ADGRL3: variants seen among roughly 807,000 people sequenced by gnomAD.
ADGRL3 encodes adhesion G protein-coupled receptor L3.
In ADGRL3, 62 loss-of-function variants were observed where a neutral mutation model predicts 153.5. That is an observed-to-expected ratio of 0.40 (90% confidence interval 0.33 to 0.50). ADGRL3 has a LOEUF of 0.50. Ranked by LOEUF, ADGRL3 falls within the 20% of genes least tolerant of loss-of-function variation. The pLI, the probability that ADGRL3 is intolerant of heterozygous loss-of-function variation, is 0.47. For synonymous variants in ADGRL3, 710 were observed against 672.5 expected, an observed-to-expected ratio of 1.06 and a Z score of -0.86; for missense variants, 1,641 against 1,859.4, an observed-to-expected ratio of 0.88 and a Z score of 2.16.
chr4:61,516,373 AC>A (rs200220725), intron 3 of ADGRL3, among the ~76,000 whole-genome samples: 1 of 62,392 alleles, frequency 1.6e-5, no homozygotes. Flanking sequence ...GTTAAAAAAT[AC>A]TTGTGTGAAG....
At chr4:62,023,686 C>A (rs946634502) in intron 21 of ADGRL3, among the ~76,000 whole-genome samples, 1 of 152,158 alleles carries the variant, frequency 6.6e-6, no homozygotes, top group African/African-American at 2.4e-5. Flanking sequence ...TTAGAACTCG[C>A]TGAAGCCTCA....
At chr4:62,021,266 TACAC>T (rs1399782819) in intron 21 of ADGRL3, among the ~76,000 whole-genome samples, 2 of 152,150 alleles carry the variant, frequency 1.3e-5, no homozygotes, top group Non-Finnish European at 2.9e-5. Context: ...TTTTACTTGA[TACAC>T]ACAATGGTCC....
intron 8 of ADGRL3, among the ~76,000 whole-genome samples, chr4:61,772,784 T>C (rs1043251958): frequency 2.6e-5 from 4 of 152,228 alleles, no homozygotes; most frequent in Non-Finnish European, 5.9e-5. Flanking sequence ...GATACCCTCC[T>C]GCATTTGCCA....
chr4:61,496,831 C>T (rs1339134651), intron 2 of ADGRL3, among the ~76,000 whole-genome samples: 1 of 150,958 alleles, frequency 6.6e-6, no homozygotes, highest in Admixed American at 6.6e-5. Context: ...GTCCCAGCTA[C>T]TCAGGAGGCT....
At chr4:61,671,171 G>A (rs539730331) in intron 5 of ADGRL3, among the ~76,000 whole-genome samples, 1 of 152,294 alleles carries the variant, frequency 6.6e-6, no homozygotes, top group Non-Finnish European at 1.5e-5. Flanking sequence ...CAATATGCAT[G>A]TAAATCCAGC....
intron 2 of ADGRL3, among the ~76,000 whole-genome samples, chr4:61,460,342 T>C (rs1374533427): frequency 6.6e-6 from 1 of 152,130 alleles, no homozygotes; most frequent in Non-Finnish European, 1.5e-5. Flanking sequence ...CCCCAACGTA[T>C]ATACAGTGGA....
chr4:61,450,907 A>G (rs1168685037), intron 2 of ADGRL3, among the ~76,000 whole-genome samples: 1 of 152,118 alleles, frequency 6.6e-6, no homozygotes, highest in African/African-American at 2.4e-5. Flanking sequence ...GAGTGAATAT[A>G]AAAAAGATTT....
At chr4:61,759,112 A>C (rs1197342979) in intron 8 of ADGRL3, among the ~76,000 whole-genome samples, 1 of 151,744 alleles carries the variant, frequency 6.6e-6, no homozygotes, top group Non-Finnish European at 1.5e-5. Context: ...TGCCCTTAAC[A>C]TTTTTTCCTT....
chr4:61,437,794 C>T (rs534127112), intron 2 of ADGRL3, among the ~76,000 whole-genome samples: 2 of 152,240 alleles, frequency 1.3e-5, no homozygotes, highest in Non-Finnish European at 2.9e-5. Context: ...AAGCTTGCTC[C>T]ATACTTAACT....
chr4:61,539,691 C>G (rs1226023248), intron 4 of ADGRL3, among the ~76,000 whole-genome samples: 1 of 152,114 alleles, frequency 6.6e-6, no homozygotes, highest in African/African-American at 2.4e-5. Flanking sequence ...GGTGCTCTGT[C>G]TCTGGGAAGT....
intron 9 of ADGRL3, among the ~76,000 whole-genome samples, chr4:61,872,735 C>A (rs1321623637): frequency 6.6e-6 from 1 of 151,642 alleles, no homozygotes; most frequent in African/African-American, 2.4e-5. Flanking sequence ...GTCTTCCCAA[C>A]TTTCCTTGAC....
At chr4:61,274,367 A>C (rs2093359036) in intron 1 of ADGRL3, among the ~76,000 whole-genome samples, 1 of 152,194 alleles carries the variant, frequency 6.6e-6, no homozygotes. Context: ...CATTAATGGA[A>C]GACAAGAAGA....
At chr4:61,987,315 A>G (rs1169076013) in intron 19 of ADGRL3, among the ~76,000 whole-genome samples, 3 of 151,872 alleles carry the variant, frequency 2.0e-5, no homozygotes, top group Non-Finnish European at 2.9e-5. Flanking sequence ...CTGGGATTAC[A>G]GGCATGCACC....
intron 1 of ADGRL3, among the ~76,000 whole-genome samples, chr4:61,217,158 G>C (rs1485065146): frequency 2.0e-5 from 3 of 152,200 alleles, no homozygotes; most frequent in Non-Finnish European, 4.4e-5. Context: ...CAAAATCATG[G>C]AAATAAAGAG....
chr4:61,333,334 T>G (rs1314991409), intron 1 of ADGRL3, among the ~76,000 whole-genome samples: 1 of 152,104 alleles, frequency 6.6e-6, no homozygotes, highest in African/African-American at 2.4e-5. Flanking sequence ...CCTTATAAAC[T>G]AATGGGGTTC....
At chr4:62,021,469 ATAT>A (rs759143181) in intron 21 of ADGRL3, among the ~76,000 whole-genome samples, 11 of 152,112 alleles carry the variant, frequency 7.2e-5, no homozygotes, top group Non-Finnish European at 1.3e-4. Context: ...TCATGGAATG[ATAT>A]TATTATTTTA....
chr4:61,703,648 G>A (rs2095806246), intron 6 of ADGRL3, among the ~76,000 whole-genome samples: 1 of 151,898 alleles, frequency 6.6e-6, no homozygotes, highest in South Asian at 2.1e-4. Context: ...TAGGCATAAA[G>A]ACTGTTATTT....
At chr4:61,332,843 C>T (rs2095601120) in intron 1 of ADGRL3, among the ~76,000 whole-genome samples, 1 of 151,960 alleles carries the variant, frequency 6.6e-6, no homozygotes, top group Non-Finnish European at 1.5e-5. Context: ...ATATGTTAGG[C>T]CAAGGTTAAG....
intron 1 of ADGRL3, among the ~76,000 whole-genome samples, chr4:61,365,659 A>G (rs932945929): frequency 2.0e-5 from 3 of 152,250 alleles, no homozygotes; most frequent in Admixed American, 6.5e-5. Context: ...CAAATTTTAG[A>G]ACACCTGAAT....
Sources: allele counts gnomAD v4.1 joint callset (sites outside exome capture counted in the v4.1 genomes callset), GRCh38; gene constraint gnomAD v4.1.1; transcripts MANE v1.5; gene names NCBI Gene and HGNC (gene_info 2026-07-23, HGNC 2026-07-21).